SYCP2L: variants seen among roughly 807,000 people sequenced by gnomAD.
SYCP2L encodes the protein synaptonemal complex protein 2-like.
Under a neutral mutation model 125.8 loss-of-function variants are expected in SYCP2L, and 98 were observed. The observed-to-expected ratio is 0.78, with a 90% CI of 0.66 to 0.92. The LOEUF is 0.92. Ranked by LOEUF, SYCP2L falls within the 40% of genes least tolerant of loss-of-function variation. The pLI, the probability that SYCP2L is intolerant of heterozygous loss-of-function variation, is 0.00. For synonymous variants in SYCP2L, 317 were observed against 325.4 expected, an observed-to-expected ratio of 0.97 and a Z score of 0.28; for missense variants, 842 against 936.4, an observed-to-expected ratio of 0.90 and a Z score of 1.32.
chr6:10,919,837 G>T (rs1053750020), intron 14 of SYCP2L, among the ~76,000 whole-genome samples: 1 of 152,060 alleles, frequency 6.6e-6, no homozygotes, highest in Non-Finnish European at 1.5e-5. Context: ...GAGTCATGCA[G>T]GTTGTCAGGG....
chr6:10,907,576 G>A lies in SYCP2L; in HGVS notation c.711G>A (p.Leu237=). ...YDQQVAISEA[L]CRLTIKKSRD... ...AGCAGGTTGCTATTTCTGAAGCGCT[G>A]TGTAGACTGACGATTAAAAAATCAA... The change falls in exon 10 of 30, where the codon CTG becomes CTA. Residue 237 remains leucine, a synonymous_variant. Transcript: ENST00000283141. The A allele has an allele frequency of 1.2e-6, 2 of 1,613,856 alleles. No individual in the cohort carries two copies. Among genetic ancestry groups the A allele is most frequent in the Non-Finnish European group, 1.7e-6 (2 of 1,179,884 alleles).
intron 20 of SYCP2L, among the ~76,000 whole-genome samples, chr6:10,933,224 A>G (rs1486511134): frequency 1.3e-5 from 2 of 152,216 alleles, no homozygotes; most frequent in Non-Finnish European, 2.9e-5. Context: ...TTTTCTGTAA[A>G]GGGCCAGATA....
rs1273413742 is a variant in SYCP2L at position 10,954,162 on chromosome 6, A to G, written c.1955-954A>G. Among the ~76,000 whole-genome samples the G allele has an allele frequency of 5.3e-5, 8 of 152,254 alleles. No homozygotes were observed. The highest frequency in any genetic ancestry group is 1.3e-4 in the Admixed American group (2 of 15,286). ...CTTTCAGAGAGAAAAACCAACAGCA[A>G]CTAGACAGGCATGTGACAAAAGAGA... On this transcript the variant is annotated intron_variant, in intron 23 of 29. Transcript: ENST00000283141. This position sits in a 1 kb window ranked among gnomAD's most constrained non-coding sequence, Gnocchi z 4.8.
At chr6:10,945,664 G>A (rs967269488) in intron 23 of SYCP2L, among the ~76,000 whole-genome samples, 8 of 151,178 alleles carry the variant, frequency 5.3e-5, no homozygotes, top group African/African-American at 1.9e-4. Flanking sequence ...CAGCTACTTG[G>A]GAGGCTGAGG....
At chr6:10,967,124 C>T (rs1421085217) in intron 29 of SYCP2L, among the ~76,000 whole-genome samples, 1 of 151,816 alleles carries the variant, frequency 6.6e-6, no homozygotes, top group African/African-American at 2.4e-5. Context: ...TATGTATTAC[C>T]TAGAATCATA....
At chr6:10,902,843 T>G (rs572341599) in intron 7 of SYCP2L, 32 bp from the exon 8 acceptor site, 1 of 1,612,762 alleles carries the variant, frequency 6.2e-7, no homozygotes, top group East Asian at 2.2e-5. Context: ...GTTTTCTTTC[T>G]TCTCCATGAA....
At chr6:10,894,296 C>T in intron 4 of SYCP2L, 92 bp downstream of exon 4, 2 of 1,434,180 alleles carry the variant, frequency 1.4e-6, no homozygotes, top group Non-Finnish European at 1.9e-6. Context: ...ATTTTCTGTT[C>T]CTTTGAAATC....
rs1404861171 is a variant in SYCP2L, at chr6:10,974,234, A to C, written c.*320A>C. On this transcript the variant is annotated 3_prime_UTR_variant, in exon 30 of 30. Transcript: ENST00000283141. ...GGTGTTGCTTTTTTTTTATAAAAGT[A>C]AAATGGACTTTTTTTTGTTTGAGAA... The C allele has an allele frequency of 3.3e-5, 5 of 151,992 alleles. No individual in the cohort carries two copies. The highest frequency in any genetic ancestry group is 7.4e-5 in the Non-Finnish European group (5 of 68,006). 9.4% of individuals were successfully genotyped at this position (151,992 alleles called of 1,614,324 possible). A position where few individuals can be genotyped will look rare whatever the true frequency, so the allele number is the denominator to read the frequency against.
Position 10,953,124 on chromosome 6 carries a change from T to C in SYCP2L, c.1955-1992T>C, listed in dbSNP as rs549202619. ...CCATGAGGTCTGTCCTTAATAGTTA[T>C]TACTAGTTACTATTATTACTAGTTT... On this transcript the variant is annotated intron_variant, in intron 23 of 29. Coordinates refer to ENST00000283141, the MANE Select transcript of SYCP2L (RefSeq NM_001040274.3). Among the ~76,000 whole-genome samples, 19 of 152,296 alleles carry C rather than the reference T, an allele frequency of 1.2e-4. 1 individual carries two copies. In the South Asian group the frequency reaches 3.7e-3, roughly 30 times the overall value.
chr6:10,957,042 T>C (rs1781512637), intron 25 of SYCP2L, among the ~76,000 whole-genome samples: 1 of 152,052 alleles, frequency 6.6e-6, no homozygotes, highest in Non-Finnish European at 1.5e-5. Flanking sequence ...TTGCCCAGTA[T>C]GGTCTTACAC....
intron 20 of SYCP2L, among the ~76,000 whole-genome samples, chr6:10,933,532 C>T (rs1487312906): frequency 6.6e-6 from 1 of 152,190 alleles, no homozygotes; most frequent in Non-Finnish European, 1.5e-5. Flanking sequence ...GCATTTCCAT[C>T]AAGTTCCCAG....
chr6:10,913,656 A>T, intron 14 of SYCP2L, among the ~76,000 whole-genome samples: 1 of 151,338 alleles, frequency 6.6e-6, no homozygotes. Context: ...GGTTTTCTCC[A>T]CTCTGTGGGT....
chr6:10,934,120 ACT>A (rs776264733), intron 20 of SYCP2L, among the ~76,000 whole-genome samples: 2 of 151,964 alleles, frequency 1.3e-5, no homozygotes, highest in Non-Finnish European at 2.9e-5. Flanking sequence ...TGTCTCGTGC[ACT>A]CTGTCTCTCT....
intron 14 of SYCP2L, among the ~76,000 whole-genome samples, chr6:10,918,825 T>C (rs1361393028): frequency 6.6e-6 from 1 of 152,216 alleles, no homozygotes; most frequent in Admixed American, 6.5e-5. Flanking sequence ...TGAGCTACCA[T>C]GCCCGGCTGA....
At chr6:10,967,454 G>GGTGTGTGTGTGT (rs3066151) in intron 29 of SYCP2L, among the ~76,000 whole-genome samples, 1,435 of 138,878 alleles carry the variant, frequency 0.01, 20 homozygotes, top group African/African-American at 0.03. Context: ...TGGGGTAGAG[G>GGTGTGTGTGTGT]GTGTGTGTGT....
intron 21 of SYCP2L, 134 bp from the exon 22 acceptor site, chr6:10,942,321 ACAGT>A: frequency 3.3e-6 from 2 of 599,902 alleles, no homozygotes; most frequent in Non-Finnish European, 5.6e-6. Flanking sequence ...CCCGAAAGAC[ACAGT>A]CAGTAGATTT....
Position 10,907,855 on chromosome 6 carries a change from C to T in SYCP2L, c.819+171C>T, listed in dbSNP as rs538920852. ...AGAAACAATTTGAGGGTAATATGAACAGAATATTTGTGAGCTAGATATAGG... is the reference window on the plus strand; with the variant it reads ...AGAAACAATTTGAGGGTAATATGAATAGAATATTTGTGAGCTAGATATAGG... On this transcript the variant is annotated intron_variant, in intron 10 of 29. Coordinates refer to ENST00000283141, the MANE Select transcript of SYCP2L (RefSeq NM_001040274.3). 2.1e-5 allele frequency among the ~76,000 whole-genome samples: 3 copies of T among 140,154 alleles called. No individual in the cohort carries two copies. In the South Asian group the frequency reaches 6.9e-4, roughly 32 times the overall value. 91.9% of individuals were successfully genotyped at this position (140,154 alleles called of 152,430 possible).
At chr6:10,963,495 G>T (rs1781625667) in intron 28 of SYCP2L, 1 of 366,602 alleles carries the variant, frequency 2.7e-6, no homozygotes, top group South Asian at 3.0e-5. Context: ...GATTATTTCA[G>T]CCCCTAGCTT....
In SYCP2L at chr6:10,927,260, A is replaced by G; in HGVS notation, c.1333A>G (p.Asn445Asp). The change falls in exon 17 of 30, where the codon AAC (asparagine) becomes GAC (aspartate). Residue 445 changes from asparagine (N) to aspartate (D), a missense_variant. Coordinates refer to ENST00000283141, the MANE Select transcript of SYCP2L (RefSeq NM_001040274.3). ...RETEQAEEST[N>D]MVEFMSAEDD... ...TATAGAGCAGGCAGAAGAATCCACT[A>G]ACATGGTGGAGTTTATGAGTGCTGA... 1 of 1,614,170 alleles carries G rather than the reference A, an allele frequency of 6.2e-7. No individual in the cohort carries two copies. The highest frequency in any genetic ancestry group is 8.5e-7 in the Non-Finnish European group (1 of 1,180,010).
Sources: gnomAD v4.1 joint callset for allele counts (sites outside exome capture counted in the v4.1 genomes callset) on GRCh38, gnomAD v4.1.1 for gene constraint, Gnocchi (gnomAD v3.1) non-coding constraint, MANE v1.5 for transcripts, NCBI Gene and HGNC (gene_info 2026-07-23, HGNC 2026-07-21) for gene names.